Variants in NRG1 observed in about 807,000 individuals in gnomAD.
NRG1 encodes the protein pro-neuregulin-1, membrane-bound isoform.
A neutral mutation model predicts 63.8 loss-of-function variants in NRG1; 18 were observed. That is an observed-to-expected ratio of 0.28 (90% CI 0.19 to 0.42). The LOEUF is 0.42. NRG1 is among the 10% of genes least tolerant of loss of function. The probability of loss-of-function intolerance (pLI) is 1.00; values close to 1 mark genes in which losing one functional copy is unlikely to be tolerated. For synonymous variants in NRG1, 302 were observed against 301.3 expected, an observed-to-expected ratio of 1.00 and a Z score of -0.02; for missense variants, 762 against 814.7, an observed-to-expected ratio of 0.94 and a Z score of 0.79.
intron 1 of NRG1, among the ~76,000 whole-genome samples, chr8:31,717,412 TAAAAAAAAAAAAAAA>T (rs34835652): frequency 2.4e-5 from 3 of 126,328 alleles, no homozygotes; most frequent in Non-Finnish European, 5.0e-5. Context: ...ATCTCGACAT[TAAAAAAAAAAAAAAA>T]AAGAAAAACA....
At chr8:32,755,447 C>CAATGA (rs1829500086) in intron 8 of NRG1, among the ~76,000 whole-genome samples, 1 of 152,016 alleles carries the variant, frequency 6.6e-6, no homozygotes, top group African/African-American at 2.4e-5. Context: ...TTGTCAATAT[C>CAATGA]CCATGATTTA....
At chr8:32,471,440 A>G (rs1285105487) in intron 1 of NRG1, among the ~76,000 whole-genome samples, 1 of 152,148 alleles carries the variant, frequency 6.6e-6, no homozygotes, top group African/African-American at 2.4e-5. Context: ...CTTTTCTTAT[A>G]AAAGGGTAGT....
intron 1 of NRG1, among the ~76,000 whole-genome samples, chr8:31,728,379 G>T (rs1005378918): frequency 6.6e-6 from 1 of 152,112 alleles, no homozygotes; most frequent in Admixed American, 6.6e-5. Flanking sequence ...CAGGATAATC[G>T]CTTGAACCCC....
chr8:32,379,144 C>T (rs985504793), intron 1 of NRG1, among the ~76,000 whole-genome samples: 2 of 150,214 alleles, frequency 1.3e-5, no homozygotes, highest in Non-Finnish European at 3.0e-5. Context: ...CAATGGAAAG[C>T]TCAATGAAAT....
At chr8:31,654,788 T>G (rs1181440021) in intron 1 of NRG1, among the ~76,000 whole-genome samples, 3 of 151,988 alleles carry the variant, frequency 2.0e-5, no homozygotes, top group Non-Finnish European at 4.4e-5. Context: ...AACAAAAAAT[T>G]AAATTTGCCA....
chr8:32,481,345 T>TAAAC (rs1267832317), intron 1 of NRG1, among the ~76,000 whole-genome samples: 1 of 119,122 alleles, frequency 8.4e-6, no homozygotes, highest in Middle Eastern at 3.6e-3. Context: ...TCTTAATAAA[T>TAAAC]AAATAAATAA....
chr8:32,604,597 C>T (rs1844938531), intron 2 of NRG1, among the ~76,000 whole-genome samples: 1 of 152,108 alleles, frequency 6.6e-6, no homozygotes, highest in African/African-American at 2.4e-5. Context: ...CACCCTGCTG[C>T]CCAGACTGGA....
intron 1 of NRG1, among the ~76,000 whole-genome samples, chr8:32,296,882 C>A (rs11998172): frequency 0.2 from 30,637 of 151,896 alleles, 3,395 homozygotes; most frequent in African/African-American, 0.3. Flanking sequence ...TTTGGGAGGC[C>A]AAGGCGGGTG....
At chr8:32,123,105 A>G (rs1563812532) in intron 1 of NRG1, among the ~76,000 whole-genome samples, 1 of 152,002 alleles carries the variant, frequency 6.6e-6, no homozygotes, top group Non-Finnish European at 1.5e-5. Context: ...GGATCAGTGT[A>G]CATTTGTAAT....
intron 1 of NRG1, among the ~76,000 whole-genome samples, chr8:31,801,633 A>G (rs542312740): frequency 1.3e-5 from 2 of 152,104 alleles, no homozygotes; most frequent in Non-Finnish European, 2.9e-5. Context: ...CTCCAAACCA[A>G]TCTTTGGTAT....
chr8:31,778,465 A>G (rs960040048), intron 1 of NRG1, among the ~76,000 whole-genome samples: 6 of 152,110 alleles, frequency 3.9e-5, no homozygotes, highest in African/African-American at 1.4e-4. Flanking sequence ...GTACTGCCAG[A>G]CCCTGGAGAA....
At chr8:31,829,059 T>C (rs1159432381) in intron 1 of NRG1, among the ~76,000 whole-genome samples, 1 of 152,172 alleles carries the variant, frequency 6.6e-6, no homozygotes, top group Non-Finnish European at 1.5e-5. Flanking sequence ...GTCTCATGCT[T>C]TCCACGTAAA....
intron 1 of NRG1, among the ~76,000 whole-genome samples, chr8:31,797,804 A>C (rs1307329868): frequency 6.6e-6 from 1 of 152,230 alleles, no homozygotes. Context: ...GCAAGCATGA[A>C]TGAATAAAGA....
chr8:32,597,539 G>T (rs1843571686), intron 2 of NRG1, among the ~76,000 whole-genome samples: 1 of 152,018 alleles, frequency 6.6e-6, no homozygotes, highest in African/African-American at 2.4e-5. Flanking sequence ...AAAGAGACAT[G>T]GCATTTTTAT....
intron 1 of NRG1, among the ~76,000 whole-genome samples, chr8:31,775,516 A>G (rs918679873): frequency 3.3e-5 from 5 of 152,180 alleles, no homozygotes; most frequent in Non-Finnish European, 7.4e-5. Context: ...CAATGGTCAC[A>G]CTAAAAGCCC....
intron 1 of NRG1, among the ~76,000 whole-genome samples, chr8:32,420,397 A>G (rs926945569): frequency 2.0e-5 from 3 of 152,188 alleles, no homozygotes; most frequent in Non-Finnish European, 4.4e-5. Flanking sequence ...GGCCTTTTCC[A>G]GATGGCTTGC....
chr8:32,266,926 G>A (rs1851015695), intron 1 of NRG1, among the ~76,000 whole-genome samples: 1 of 151,300 alleles, frequency 6.6e-6, no homozygotes, highest in Non-Finnish European at 1.5e-5. Flanking sequence ...GCACATGCCT[G>A]TAATCCCAGC....
At chr8:31,706,368 A>G (rs1811154203) in intron 1 of NRG1, among the ~76,000 whole-genome samples, 2 of 150,760 alleles carry the variant, frequency 1.3e-5, no homozygotes, top group Non-Finnish European at 3.0e-5. Context: ...ATTTCCATAT[A>G]TACATACATA....
chr8:31,834,388 T>C (rs1421255249), intron 1 of NRG1, among the ~76,000 whole-genome samples: 1 of 152,184 alleles, frequency 6.6e-6, no homozygotes, highest in Non-Finnish European at 1.5e-5. Flanking sequence ...ATCAGCCCTC[T>C]GGTCTGAAGC....
Sources: gnomAD v4.1 joint callset for allele counts (sites outside exome capture counted in the v4.1 genomes callset) on GRCh38, gnomAD v4.1.1 for gene constraint, MANE v1.5 for transcripts, NCBI Gene and HGNC (gene_info 2026-07-23, HGNC 2026-07-21) for gene names.